Variants in CRTAM observed in about 807,000 individuals in gnomAD.
The protein encoded by CRTAM is cytotoxic and regulatory T-cell molecule.
A neutral mutation model predicts 50.0 loss-of-function variants in CRTAM; 44 were observed. The observed-to-expected ratio is 0.88, with a 90% CI of 0.69 to 1.13. The LOEUF (loss-of-function observed/expected upper bound fraction) is 1.13, where lower values mean the gene tolerates loss of function less well. Among genes scored for constraint, CRTAM ranks in the 50% most tolerant of loss-of-function variants. The pLI is 0.00. For synonymous variants in CRTAM, 159 were observed against 169.3 expected (o/e 0.94, Z 0.47); for missense variants, 448 against 457.5 (o/e 0.98, Z 0.19).
chr11:122,857,672 G>A (rs1177349273), intron 5 of CRTAM, among the ~76,000 whole-genome samples: 1 of 152,096 alleles, frequency 6.6e-6, no homozygotes, highest in Non-Finnish European at 1.5e-5. Flanking sequence ...ACCCAATTAG[G>A]TAAAAAATAT....
Position 122,862,721 on chromosome 11 carries a change from G to A in CRTAM, c.733+177G>A, listed in dbSNP as rs61435269. ...CTAGAGAAGAACCACATCAGGCATCGGAATACTTAGTGGGATGGGCTTCAG... is the reference window on the plus strand; with the variant it reads ...CTAGAGAAGAACCACATCAGGCATCAGAATACTTAGTGGGATGGGCTTCAG... On this transcript the variant is annotated intron_variant, in intron 6 of 9. Coordinates refer to ENST00000227348, the MANE Select transcript of CRTAM (RefSeq NM_019604.4). Among the ~76,000 whole-genome samples the A allele has an allele frequency of 9.5e-3, 1,448 of 152,264 alleles. 37 individuals are homozygous for A. Among genetic ancestry groups the A allele is most frequent in the African/African-American group, 0.032 (1,339 of 41,560 alleles).
intron 5 of CRTAM, among the ~76,000 whole-genome samples, chr11:122,858,177 T>C (rs1030295786): frequency 6.6e-6 from 1 of 152,136 alleles, no homozygotes; most frequent in Non-Finnish European, 1.5e-5. Context: ...CCTCCCAAAG[T>C]GCTGGGATTA....
rs1862100753 is a variant in CRTAM, at chr11:122,862,545, G to T, written c.733+1G>T. 1.3e-6 allele frequency: 2 copies of T among 1,565,332 alleles called. No homozygotes were observed. Among genetic ancestry groups the T allele is most frequent in the Non-Finnish European group, 1.7e-6 (2 of 1,143,066 alleles). On this transcript the variant is annotated splice_donor_variant, in intron 6 of 9. Coordinates refer to ENST00000227348, the MANE Select transcript of CRTAM (RefSeq NM_019604.4). LOFTEE classifies it high-confidence loss of function. ...GACCCACAGCAGCCCACCAGTACTG[G>T]TAAGTGTCAAAATCATTCAAACTTG...
chr11:122,850,954 C>T (rs567617601), intron 2 of CRTAM, among the ~76,000 whole-genome samples: 2 of 152,280 alleles, frequency 1.3e-5, no homozygotes, highest in South Asian at 4.1e-4. Flanking sequence ...ATTTATAAAG[C>T]AGAGCCTCTT....
At chr11:122,858,678 C>T (rs1377645630) in intron 5 of CRTAM, among the ~76,000 whole-genome samples, 2 of 152,086 alleles carry the variant, frequency 1.3e-5, no homozygotes, top group Non-Finnish European at 1.5e-5. Flanking sequence ...TACAGGTGCA[C>T]ACACCACACC....
At position 122,850,168 on chromosome 11, in the gene CRTAM, G is replaced by A; in HGVS notation, c.147G>A (p.Gln49=). The change falls in exon 2 of 10, where the codon CAG becomes CAA. Residue 49 remains glutamine, a synonymous_variant. Transcript: ENST00000227348. The part of the protein sequence containing the change: ...VTSLRKNSSL[Q]WLTPSGFTIF... ...CTCTGAGGAAGAACTCCTCCCTCCA[G>A]TGGCTGACCCCCTCAGGGTTCACCA... The A allele has an allele frequency of 6.2e-7, 1 of 1,613,494 alleles. No homozygotes were observed. The highest frequency in any genetic ancestry group is 8.5e-7 in the Non-Finnish European group (1 of 1,179,596).
chr11:122,863,700 A>C (rs1482192595), intron 6 of CRTAM, among the ~76,000 whole-genome samples: 1 of 152,234 alleles, frequency 6.6e-6, no homozygotes, highest in Non-Finnish European at 1.5e-5. Context: ...ACTTGCTTTA[A>C]TAATCCAATA....
chr11:122,850,559 G>C (rs560846198), intron 2 of CRTAM, among the ~76,000 whole-genome samples: 50 of 152,212 alleles, frequency 3.3e-4, no homozygotes, highest in Middle Eastern at 3.4e-3. Context: ...AACTGACTGG[G>C]AGCCCGATCC....
intron 3 of CRTAM, among the ~76,000 whole-genome samples, chr11:122,852,379 C>T (rs1395017124): frequency 6.6e-6 from 1 of 152,180 alleles, no homozygotes; most frequent in Non-Finnish European, 1.5e-5. Context: ...AAGTGACAGC[C>T]TCCTAATTAC....
At chr11:122,851,928 T>A (rs573424121) in intron 3 of CRTAM, 83 bp downstream of exon 3, 4 of 1,323,150 alleles carry the variant, frequency 3.0e-6, no homozygotes, top group Admixed American at 4.2e-5. Context: ...CCTTTTAGTT[T>A]AAAAATGTTG....
chr11:122,851,810 C>T lies in CRTAM; in HGVS notation c.311C>T (p.Ser104Phe), dbSNP rs1171841103. The stretch of plus-strand genomic sequence containing the variant: ...TACAAGTGCTTACATTACAGCGACT[C>T]TGTAAGCACAAAGGAAGTGAAAGTG... The part of the protein sequence containing the change: ...GVYKCLHYSD[S>F]VSTKEVKVIV... The change falls in exon 3 of 10, where the codon TCT becomes TTT. Residue 104 changes from serine (S) to phenylalanine (F), a missense_variant. By Grantham distance (155) the Ser-to-Phe change is radical (BLOSUM62 -2). Coordinates refer to ENST00000227348, the MANE Select transcript of CRTAM (RefSeq NM_019604.4). 1 of 1,614,178 alleles carries T rather than the reference C, an allele frequency of 6.2e-7. No individual in the cohort carries two copies. The highest frequency in any genetic ancestry group is 1.1e-5 in the South Asian group (1 of 91,084).
intron 1 of CRTAM, 22 bp from the exon 2 acceptor site, chr11:122,850,046 C>T: frequency 6.3e-7 from 1 of 1,577,442 alleles, no homozygotes; most frequent in Non-Finnish European, 8.6e-7. Context: ...GCCTGATCAT[C>T]CCCATTTCTC....
intron 1 of CRTAM, among the ~76,000 whole-genome samples, chr11:122,845,100 G>A (rs1861846424): frequency 6.6e-6 from 1 of 152,170 alleles, no homozygotes; most frequent in Admixed American, 6.5e-5. Flanking sequence ...GCAGATTGAT[G>A]AGAAGAACCC....
chr11:122,867,938 A>G, intron 8 of CRTAM, 75 bp from the exon 9 acceptor site: 3 of 862,924 alleles, frequency 3.5e-6, no homozygotes, highest in Non-Finnish European at 3.9e-6. Flanking sequence ...TAACAGAGGT[A>G]TTATCTTATT....
At chr11:122,852,236 G>T (rs1416322477) in intron 3 of CRTAM, among the ~76,000 whole-genome samples, 1 of 152,192 alleles carries the variant, frequency 6.6e-6, no homozygotes, top group African/African-American at 2.4e-5. Flanking sequence ...TGCAAATGAA[G>T]TGGAACCTCA....
At position 122,872,587 on chromosome 11, in the gene CRTAM, T is replaced by G. The variant is rs866703868; in HGVS notation, c.*1188T>G. On this transcript the variant is annotated 3_prime_UTR_variant, in exon 10 of 10. Coordinates refer to ENST00000227348, the MANE Select transcript of CRTAM (RefSeq NM_019604.4). ...TAAGCTATACAGCAAACTTTGGCATTTATGTGGAGCATTTCTCATTGTTGG... is the reference window on the plus strand; with the variant it reads ...TAAGCTATACAGCAAACTTTGGCATGTATGTGGAGCATTTCTCATTGTTGG... The G allele has an allele frequency of 6.5e-6, 1 of 152,678 alleles. No homozygotes were observed. The highest frequency in any genetic ancestry group is 2.4e-5 in the African/African-American group (1 of 41,462). 9.5% of individuals were successfully genotyped at this position (152,678 alleles called of 1,614,324 possible).
At chr11:122,843,108 C>T (rs1030638625) in intron 1 of CRTAM, among the ~76,000 whole-genome samples, 14 of 152,292 alleles carry the variant, frequency 9.2e-5, no homozygotes, top group African/African-American at 2.6e-4. Flanking sequence ...AAAAATCTTA[C>T]GAACTGCACT....
intron 1 of CRTAM, among the ~76,000 whole-genome samples, chr11:122,846,830 A>G (rs748042862): frequency 6.6e-6 from 1 of 152,090 alleles, no homozygotes; most frequent in Non-Finnish European, 1.5e-5. Context: ...CTTCTTCCTT[A>G]ATGTCTACTA....
At chr11:122,844,706 T>C (rs575974089) in intron 1 of CRTAM, among the ~76,000 whole-genome samples, 1 of 152,336 alleles carries the variant, frequency 6.6e-6, no homozygotes, top group East Asian at 1.9e-4. Context: ...GAAACTTCAG[T>C]CTGTTTATAG....
Sources: allele counts gnomAD v4.1 joint callset (sites outside exome capture counted in the v4.1 genomes callset), GRCh38; gene constraint gnomAD v4.1.1; transcripts MANE v1.5; gene names NCBI Gene and HGNC (gene_info 2026-07-23, HGNC 2026-07-21).